SLFN14: variants seen among roughly 807,000 people sequenced by gnomAD.
The protein encoded by SLFN14 is schlafen family member 14.
A neutral mutation model predicts 58.6 loss-of-function variants in SLFN14; 47 were observed. The observed-to-expected ratio is 0.80, with a 90% CI of 0.64 to 1.02. The LOEUF (loss-of-function observed/expected upper bound fraction) is 1.02, where lower values mean the gene tolerates loss of function less well. SLFN14 is among the 50% of genes least tolerant of loss of function. The pLI is 0.00. For missense variants in SLFN14, 967 were observed against 1,078.4 expected (o/e 0.90, Z 1.45); for synonymous variants, 390 against 387.3 (o/e 1.01, Z -0.08).
intron 1 of SLFN14, among the ~76,000 whole-genome samples, 194 bp from the exon 2 acceptor site, chr17:35,559,999 TCTC>T (rs1271602119): frequency 6.6e-6 from 1 of 152,142 alleles, no homozygotes; most frequent in Non-Finnish European, 1.5e-5. Context: ...GATTCTAAAA[TCTC>T]CTCTATAATA....
Position 35,548,489 on chromosome 17 carries a change from A to C in SLFN14, c.2489T>G (p.Leu830Arg), listed in dbSNP as rs542195109. The C allele has an allele frequency of 3.4e-5, 53 of 1,551,728 alleles. No homozygotes were observed. The South Asian group carries it at 5.0e-4, about 15-fold the overall frequency. ...RRGEDRGRYR[L>R]ALLKAMELIE... The stretch of plus-strand genomic sequence containing the variant: ...TAATTCCATTGCTTTGAGTAGTGCA[A>C]GCCTATAGCGTCCTCTGTCCTCCCC... The change falls in exon 6 of 6, where the codon CTT becomes CGT. Residue 830 changes from leucine (L) to arginine (R), a missense_variant. Physicochemically the swap from Leu to Arg is moderately radical, Grantham distance 102 (BLOSUM62 -2). Transcript: ENST00000674182.
chr17:35,556,483 C>T (rs566155901), intron 3 of SLFN14, among the ~76,000 whole-genome samples: 89 of 152,206 alleles, frequency 5.8e-4, no homozygotes, highest in African/African-American at 2.0e-3. Flanking sequence ...CTGTAACTTT[C>T]CTTTAAAAGT....
intron 5 of SLFN14, among the ~76,000 whole-genome samples, chr17:35,550,201 C>T (rs2072572302): frequency 6.6e-6 from 1 of 152,142 alleles, no homozygotes; most frequent in African/African-American, 2.4e-5. Context: ...ACAGTGTGCC[C>T]AATGGTCTCC....
chr17:35,549,218 T>G (rs528044906), intron 5 of SLFN14, 145 bp from the exon 6 acceptor site: 2 of 678,512 alleles, frequency 2.9e-6, no homozygotes, highest in Admixed American at 5.8e-5. Flanking sequence ...AAAACTGTTC[T>G]AATTACAAGT....
chr17:35,557,161 T>C lies in SLFN14; in HGVS notation c.902A>G (p.Gln301Arg). The C allele has an allele frequency of 1.3e-6, 2 of 1,551,740 alleles. No individual in the cohort carries two copies. Among genetic ancestry groups the C allele is most frequent in the Non-Finnish European group, 1.7e-6 (2 of 1,146,996 alleles). Residue 301 changes from glutamine to arginine, a missense_variant, in exon 3 of 6, where the codon CAA (glutamine) becomes CGA (arginine). Gln to Arg is a conservative substitution (Grantham distance 43). Coordinates refer to ENST00000674182, the MANE Select transcript of SLFN14 (RefSeq NM_001129820.2). Reference sequence around the variant, plus strand: ...GACATAACCATCCAGGACATCTTTTTGGTACACATTCAGGATTTTTGTAGT... The same window carrying C: ...GACATAACCATCCAGGACATCTTTTCGGTACACATTCAGGATTTTTGTAGT... ...NFTTKILNVY[Q>R]KDVLDGYVCV...
At chr17:35,552,138 CA>C (rs1216414295) in intron 5 of SLFN14, among the ~76,000 whole-genome samples, 1 of 152,226 alleles carries the variant, frequency 6.6e-6, no homozygotes, top group Non-Finnish European at 1.5e-5. Context: ...TTAATGACAT[CA>C]AAGGCACCCC....
rs2072532507 is a variant in SLFN14, at chr17:35,546,090, G to C, written c.*2149C>G. ...ATGATGCATGCATATATTTTAAAAA[G>C]TCAAATGGTACTAAGGCTTATGACT... is the stretch of plus-strand genomic sequence containing the variant. On this transcript the variant is annotated 3_prime_UTR_variant, in exon 6 of 6. Coordinates refer to ENST00000674182, the MANE Select transcript of SLFN14 (RefSeq NM_001129820.2). Among the ~76,000 whole-genome samples the C allele has an allele frequency of 6.6e-6, 1 of 152,126 alleles. No individual in the cohort carries two copies. The highest frequency in any genetic ancestry group is 1.5e-5 in the Non-Finnish European group (1 of 68,024).
rs777193911 is a variant in SLFN14 at position 35,557,603 on chromosome 17, C to G, written c.460G>C (p.Gly154Arg). ...GGTCTTCCTCTTTGGGCTCTAAACC[C>G]CTTCTCTCTGAGAAGCTCCAGGGCA... ...SSALELLREK[G>R]FRAQRGRPRV... is the part of the protein sequence containing the mutation. Residue 154 changes from glycine to arginine, a missense_variant, in exon 3 of 6, where the codon GGG becomes CGG. Transcript: ENST00000674182. 202 of 1,551,560 alleles carry G rather than the reference C, an allele frequency of 1.3e-4. No homozygotes were observed. Among genetic ancestry groups the G allele is most frequent in the Non-Finnish European group, 1.6e-4 (185 of 1,146,994 alleles).
At chr17:35,554,812 T>C in intron 3 of SLFN14, 108 bp from the exon 4 acceptor site, 1 of 968,434 alleles carries the variant, frequency 1.0e-6, no homozygotes. Flanking sequence ...GTGATGTGCA[T>C]GGGTGCCTGA....
chr17:35,559,894 C>T (rs1434477455), intron 1 of SLFN14, among the ~76,000 whole-genome samples, 89 bp from the exon 2 acceptor site: 1 of 152,144 alleles, frequency 6.6e-6, no homozygotes, highest in South Asian at 2.1e-4. Context: ...TTTTATGGCT[C>T]CTTAGGGAAA....
chr17:35,548,091 G>T lies in SLFN14; in HGVS notation c.*148C>A. ...CAGTGGCATTGAAATAGAGTGGAAG[G>T]CTCAGCTCCAAGAGACATTTCTGTG... On this transcript the variant is annotated 3_prime_UTR_variant, in exon 6 of 6. Coordinates refer to ENST00000674182, the MANE Select transcript of SLFN14 (RefSeq NM_001129820.2). 1.3e-6 allele frequency: 1 copy of T among 750,360 alleles called. No homozygotes were observed. The highest frequency in any genetic ancestry group is 2.1e-6 in the Non-Finnish European group (1 of 474,072). The allele number at this position is 750,360 out of a possible 1,614,324, so 46.5% of individuals were successfully genotyped here. A position where few individuals can be genotyped will look rare whatever the true frequency, so the allele number is the denominator to read the frequency against.
intron 4 of SLFN14, among the ~76,000 whole-genome samples, chr17:35,553,653 T>G (rs2072620074): frequency 6.6e-6 from 1 of 152,192 alleles, no homozygotes; most frequent in African/African-American, 2.4e-5. Flanking sequence ...TTTTTTCTTT[T>G]TTTGTGAGAC....
chr17:35,557,774 C>T lies in SLFN14; in HGVS notation c.289G>A (p.Asp97Asn), dbSNP rs574216427. 79 of 1,551,706 alleles carry T rather than the reference C, an allele frequency of 5.1e-5. No homozygotes were observed. The highest frequency in any genetic ancestry group is 6.7e-5 in the Non-Finnish European group (77 of 1,146,994). The change falls in exon 3 of 6, where the codon GAC becomes AAC. Residue 97 changes from aspartate (D) to asparagine (N), a missense_variant. Coordinates refer to ENST00000674182, the MANE Select transcript of SLFN14 (RefSeq NM_001129820.2). ...AGATTGTGCCCCTGCTGCATGTAGT[C>T]AAGGTATTTCTGTGAACCTGAAGGA... ...LLPSGSQKYLDYMQQGHNLLI... is the reference protein window; with the variant it reads ...LLPSGSQKYLNYMQQGHNLLI...
Position 35,548,865 on chromosome 17 carries a change from G to C in SLFN14, c.2113C>G (p.Pro705Ala). The change falls in exon 6 of 6, where the codon CCT (proline) becomes GCT (alanine). Residue 705 changes from proline to alanine, a missense_variant. By Grantham distance (27) the Pro-to-Ala change is conservative (BLOSUM62 -1). Coordinates refer to ENST00000674182, the MANE Select transcript of SLFN14 (RefSeq NM_001129820.2). ...ACATCTGCGTGATGGATTTGAAAAG[G>C]GTCAAGAAAAAGCCAGAGAATCCCA... ...HHGILWLFLD[P>A]FQIHHADVNG... The C allele has an allele frequency of 6.4e-7, 1 of 1,551,692 alleles. No individual in the cohort carries two copies. The highest frequency in any genetic ancestry group is 8.7e-7 in the Non-Finnish European group (1 of 1,147,002).
chr17:35,553,680 C>A lies in SLFN14; in HGVS notation c.1190-236G>T, dbSNP rs150415508. Among the ~76,000 whole-genome samples the A allele has an allele frequency of 1.8e-4, 28 of 152,214 alleles. No individual in the cohort carries two copies. The East Asian group carries it at 5.4e-3, about 29-fold the overall frequency. On this transcript the variant is annotated intron_variant, in intron 4 of 5. Coordinates refer to ENST00000674182, the MANE Select transcript of SLFN14 (RefSeq NM_001129820.2). ...TTGTGAGACGGAGTCTCGCTGTCAC[C>A]CAGACTGGAGTGCAGTGGTGTGATC...
chr17:35,560,351 G>A (rs79193055), intron 1 of SLFN14, among the ~76,000 whole-genome samples: 1 of 152,044 alleles, frequency 6.6e-6, no homozygotes, highest in South Asian at 2.1e-4. Flanking sequence ...TTTTGAGACA[G>A]AGTTTTGCTC....
chr17:35,550,162 T>C (rs1224856233), intron 5 of SLFN14, among the ~76,000 whole-genome samples: 1 of 152,174 alleles, frequency 6.6e-6, no homozygotes, highest in African/African-American at 2.4e-5. Flanking sequence ...CCCTCCCCTA[T>C]TTGATTCACT....
intron 3 of SLFN14, among the ~76,000 whole-genome samples, chr17:35,555,371 CAAA>C (rs58849511): frequency 7.7e-5 from 10 of 130,030 alleles, no homozygotes; most frequent in Non-Finnish European, 8.2e-5. Context: ...GACTCCGTCT[CAAA>C]AAAAAAAAAA....
chr17:35,555,371 CA>C (rs58849511), intron 3 of SLFN14, among the ~76,000 whole-genome samples: 66,552 of 129,902 alleles, frequency 0.51, 15,475 homozygotes, highest in Middle Eastern at 0.56. Flanking sequence ...GACTCCGTCT[CA>C]AAAAAAAAAA....
Sources: allele counts gnomAD v4.1 joint callset (sites outside exome capture counted in the v4.1 genomes callset), GRCh38; gene constraint gnomAD v4.1.1; transcripts MANE v1.5; gene names NCBI Gene and HGNC (gene_info 2026-07-23, HGNC 2026-07-21).